Variants in SYNE2 observed in about 807,000 individuals in gnomAD.
The protein encoded by SYNE2 is nesprin-2.
SYNE2 carries 431 observed loss-of-function variants against 856.3 expected under a neutral mutation model. The observed-to-expected ratio is 0.50, with a 90% CI of 0.47 to 0.55. The LOEUF (loss-of-function observed/expected upper bound fraction) is 0.55, where lower values mean the gene tolerates loss of function less well. Ranked by LOEUF, SYNE2 falls within the 20% of genes least tolerant of loss-of-function variation. The pLI is 0.00. For synonymous variants in SYNE2, 2,923 were observed against 2,872.3 expected, an observed-to-expected ratio of 1.02 and a Z score of -0.56; for missense variants, 8,129 against 8,023.2, an observed-to-expected ratio of 1.01 and a Z score of -0.50.
chr14:64,114,973 G>A (rs1294185251), intron 66 of SYNE2, among the ~76,000 whole-genome samples: 2 of 152,190 alleles, frequency 1.3e-5, no homozygotes, highest in African/African-American at 4.8e-5. Flanking sequence ...CTGCCGCTTG[G>A]CCTGGCTGAT....
chr14:63,818,688 AT>A (rs1382524644), intron 1 of SYNE2, among the ~76,000 whole-genome samples: 2 of 144,996 alleles, frequency 1.4e-5, no homozygotes, highest in East Asian at 4.0e-4. Flanking sequence ...ATTCTCATAC[AT>A]TTTTTTCTTT....
chr14:63,778,005 A>T (rs912220560), intron 1 of SYNE2, among the ~76,000 whole-genome samples: 6 of 152,102 alleles, frequency 3.9e-5, no homozygotes, highest in African/African-American at 1.4e-4. Context: ...CACATGAAAA[A>T]ACAGTAACTA....
intron 82 of SYNE2, among the ~76,000 whole-genome samples, chr14:64,143,485 T>C (rs886264199): frequency 6.6e-6 from 1 of 152,216 alleles, no homozygotes; most frequent in African/African-American, 2.4e-5. Flanking sequence ...CTTTGTCATA[T>C]CCTGGGTCGT....
At position 64,128,554 on chromosome 14, in the gene SYNE2, G is replaced by T; in HGVS notation, c.14019+1G>T. The stretch of plus-strand genomic sequence containing the variant: ...GCAGAGTGTTGCTGAACAGCTTCAG[G>T]TAATCAAGTCAAAATAATTCAGACT... On this transcript the variant is annotated splice_donor_variant, in intron 74 of 115. Transcript: ENST00000555002. LOFTEE classifies it high-confidence loss of function. The T allele has an allele frequency of 6.3e-7, 1 of 1,585,182 alleles. No individual in the cohort carries two copies. The highest frequency in any genetic ancestry group is 1.1e-5 in the South Asian group (1 of 90,436).
intron 1 of SYNE2, among the ~76,000 whole-genome samples, chr14:63,898,652 A>T (rs1331999197): frequency 6.6e-6 from 1 of 152,100 alleles, no homozygotes; most frequent in East Asian, 1.9e-4. Flanking sequence ...CGATTCGCCC[A>T]CCTTGGCCTC....
At chr14:63,964,792 G>A (rs2096368109) in intron 10 of SYNE2, among the ~76,000 whole-genome samples, 1 of 152,054 alleles carries the variant, frequency 6.6e-6, no homozygotes, top group Non-Finnish European at 1.5e-5. Context: ...CCAAAGTGCT[G>A]GGATTACAGG....
intron 1 of SYNE2, among the ~76,000 whole-genome samples, chr14:63,792,427 C>T (rs1887768222): frequency 6.6e-6 from 1 of 151,906 alleles, no homozygotes; most frequent in South Asian, 2.1e-4. Context: ...TGGTGATGTG[C>T]ACCTGCAATC....
At chr14:63,923,825 G>A (rs2095628794) in intron 2 of SYNE2, among the ~76,000 whole-genome samples, 1 of 150,632 alleles carries the variant, frequency 6.6e-6, no homozygotes, top group Non-Finnish European at 1.5e-5. Flanking sequence ...TTTTGAGACA[G>A]TGTCTCACTG....
chr14:64,041,310 A>G (rs1393974718), intron 45 of SYNE2, among the ~76,000 whole-genome samples: 3 of 152,198 alleles, frequency 2.0e-5, no homozygotes, highest in Admixed American at 6.5e-5. Flanking sequence ...ACAAGCCTAA[A>G]CAGGAAAAGA....
upstream of SYNE2, among the ~76,000 whole-genome samples, chr14:63,851,278 T>C (rs1890430921): frequency 6.6e-6 from 1 of 152,150 alleles, no homozygotes; most frequent in Non-Finnish European, 1.5e-5. Flanking sequence ...GGAGAATCAC[T>C]TGAACCCAGG....
At chr14:64,198,329 A>T (rs1024171636) in intron 99 of SYNE2, among the ~76,000 whole-genome samples, 1 of 152,316 alleles carries the variant, frequency 6.6e-6, no homozygotes, top group Non-Finnish European at 1.5e-5. Context: ...AAATTTTTCA[A>T]GAGTAGTGTT....
chr14:63,844,782 T>C lies in SYNE2; in HGVS notation c.-304-7719T>C, dbSNP rs1178238629. Reference sequence around the variant, plus strand: ...GGTCCAAGCCGGGTGTGGTGGCTCATGCTTGTAATCTTAGCATTTTATGAG... The same window carrying C: ...GGTCCAAGCCGGGTGTGGTGGCTCACGCTTGTAATCTTAGCATTTTATGAG... On this transcript the variant is annotated intron_variant, in intron 1 of 23. Coordinates refer to the SYNE2 transcript ENST00000674003. 1.3e-3 allele frequency among the ~76,000 whole-genome samples: 200 copies of C among 152,196 alleles called. 2 individuals are homozygous for C. The highest frequency in any genetic ancestry group is 6.0e-4 in the Non-Finnish European group (41 of 68,040).
At chr14:64,051,424 A>G in intron 47 of SYNE2, 133 bp from the exon 48 acceptor site, 2 of 848,992 alleles carry the variant, frequency 2.4e-6, no homozygotes, top group Non-Finnish European at 3.5e-6. Flanking sequence ...TTAAGGATAG[A>G]TTATTTTTAC....
rs755724593 is a variant in SYNE2, at chr14:64,141,401, A to G, written c.15037A>G (p.Asn5013Asp). The G allele has an allele frequency of 6.2e-7, 1 of 1,614,138 alleles. No homozygotes were observed. The highest frequency in any genetic ancestry group is 1.1e-5 in the South Asian group (1 of 91,080). Residue 5013 changes from asparagine (N) to aspartate (D), a missense_variant, in exon 81 of 116, where the codon AAC (asparagine) becomes GAC (aspartate). This residue lies in a region of SYNE2 where 5,410 missense variants were observed against 5,284.8 expected (regional missense o/e 1.02). Transcript: ENST00000555002. ...GAAGACTGCCGTTATCAGTATCGGG[A>G]ACCAGCTTCTTCACCTGAAAGAAAC... Reference protein sequence around the residue: ...SLKTAVISIGNQLLHLKETDT... With the variant: ...SLKTAVISIGDQLLHLKETDT...
At chr14:63,851,293 A>G (rs1296844316), upstream of SYNE2, among the ~76,000 whole-genome samples, 4 of 152,206 alleles carry the variant, frequency 2.6e-5, no homozygotes, top group African/African-American at 4.8e-5. Context: ...CCCAGGAGGC[A>G]GAGTTTGCAG....
intron 84 of SYNE2, among the ~76,000 whole-genome samples, chr14:64,151,634 C>T (rs948173548): frequency 6.6e-6 from 1 of 151,558 alleles, no homozygotes; most frequent in Non-Finnish European, 1.5e-5. Context: ...AGCTAAGGGT[C>T]GTTATCTTGA....
In SYNE2 at chr14:64,212,801, C is replaced by A; in HGVS notation, c.18862-10C>A. 1 of 1,613,974 alleles carries A rather than the reference C, an allele frequency of 6.2e-7. No homozygotes were observed. Among genetic ancestry groups the A allele is most frequent in the Non-Finnish European group, 8.5e-7 (1 of 1,179,788 alleles). On this transcript the variant is annotated splice_polypyrimidine_tract_variant and intron_variant, in intron 104 of 115. Transcript: ENST00000555002. Reference sequence around the variant, plus strand: ...TTCTTTGAAATCCTTTCTTTCTCCTCTCTCAACAGGGCTTCCAACAGGAAA... The same window carrying A: ...TTCTTTGAAATCCTTTCTTTCTCCTATCTCAACAGGGCTTCCAACAGGAAA...
chr14:63,952,485 C>G (rs748949809), intron 7 of SYNE2, among the ~76,000 whole-genome samples: 16 of 152,224 alleles, frequency 1.1e-4, no homozygotes, highest in Non-Finnish European at 1.9e-4. Context: ...CTTTTGCACC[C>G]ACCTAATGGT....
Position 64,078,494 on chromosome 14 carries a change from C to T in SYNE2, c.11051C>T (p.Pro3684Leu). ...KISNEVLKSS[P>L]SYAMRRKIEE... ...AGCAATGAAGTCTTAAAAAGCTCAC[C>T]ATCATATGCAATGAGGAGAAAAATA... The change falls in exon 55 of 116, where the codon CCA (proline) becomes CTA (leucine). Residue 3684 changes from proline (P) to leucine (L), a missense_variant. Physicochemically the swap from Pro to Leu is moderately conservative, Grantham distance 98. Transcript: ENST00000555002. The T allele has an allele frequency of 1.9e-6, 3 of 1,614,064 alleles. No individual in the cohort carries two copies. Among genetic ancestry groups the T allele is most frequent in the Admixed American group, 1.7e-5 (1 of 60,026 alleles).
Sources: allele counts gnomAD v4.1 joint callset (sites outside exome capture counted in the v4.1 genomes callset), GRCh38; gene constraint gnomAD v4.1.1; regional missense constraint gnomAD v4.1.1; transcripts MANE v1.5; gene names NCBI Gene and HGNC (gene_info 2026-07-23, HGNC 2026-07-21).